KBTBD11: variants seen among roughly 807,000 people sequenced by gnomAD.
The protein encoded by KBTBD11 is kelch repeat and BTB domain containing 11, also known as kelch repeat and BTB domain-containing protein 11.
For missense variants in KBTBD11, 1,390 were observed against 1,001.8 expected (o/e 1.39, Z -5.23); for synonymous variants, 747 against 499.0 (o/e 1.50, Z -6.63).
chr8:1,982,924 C>T (rs1433844735), intron 1 of KBTBD11, among the ~76,000 whole-genome samples: 1 of 152,094 alleles, frequency 6.6e-6, no homozygotes, highest in African/African-American at 2.4e-5. Flanking sequence ...TGGGGTATTG[C>T]CATGTTGTCC....
chr8:1,974,726 GC>G lies in KBTBD11; in HGVS notation c.-909+792del, dbSNP rs1001605358. 4.5e-5 allele frequency: 44 copies of G among 984,996 alleles called. No individual in the cohort carries two copies. The South Asian group carries it at 1.8e-3, about 40-fold the overall frequency. 61.0% of individuals were successfully genotyped at this position (984,996 alleles called of 1,614,324 possible). On this transcript the variant is annotated intron_variant, in intron 1 of 1. Coordinates refer to ENST00000320248, the MANE Select transcript of KBTBD11 (RefSeq NM_014867.3). The stretch of plus-strand genomic sequence containing the variant: ...ATTCCGCAGGGGTCCCTCCTCTCAG[GC>G]GGGGCTCATTCTGGAGCATGAAAAG...
rs1817575590 is a variant in KBTBD11, at chr8:2,006,452, A to G, written c.*3388A>G. 1 of 166,904 alleles carries G rather than the reference A, an allele frequency of 6.0e-6. No homozygotes were observed. Among genetic ancestry groups the G allele is most frequent in the Non-Finnish European group, 1.5e-5 (1 of 68,130 alleles). 10.3% of individuals were successfully genotyped at this position (166,904 alleles called of 1,614,324 possible). A position where few individuals can be genotyped will look rare whatever the true frequency, so the allele number is the denominator to read the frequency against. On this transcript the variant is annotated 3_prime_UTR_variant, in exon 2 of 2. Coordinates refer to ENST00000320248, the MANE Select transcript of KBTBD11 (RefSeq NM_014867.3). ...GGGTTAAAAATCAATCAACTTTCTG[A>G]TATTTCCCCTTCTGCAATGTTATTG...
At chr8:1,979,506 T>G (rs1816465522) in intron 1 of KBTBD11, among the ~76,000 whole-genome samples, 1 of 152,126 alleles carries the variant, frequency 6.6e-6, no homozygotes, top group African/African-American at 2.4e-5. Flanking sequence ...GGCACGCACT[T>G]GTGATCCCAG....
At chr8:1,988,367 G>A (rs1014610404) in intron 1 of KBTBD11, among the ~76,000 whole-genome samples, 17 of 152,280 alleles carry the variant, frequency 1.1e-4, no homozygotes, top group African/African-American at 3.4e-4. Context: ...AAGCGTTCCT[G>A]TTTCTCCACA....
rs1174947243 is a variant in KBTBD11, at chr8:2,001,733, C to G, written c.541C>G (p.Leu181Val). ...CGTGCTGCGGGTGCAGGGAGTGAGC[C>G]TGACGGCGCTGCGGCTGCTCCTCGC... ...RDVLRVQGVS[L>V]TALRLLLADA... The change falls in exon 2 of 2, where the codon CTG becomes GTG. Residue 181 changes from leucine to valine, a missense_variant. Coordinates refer to ENST00000320248, the MANE Select transcript of KBTBD11 (RefSeq NM_014867.3). 2 of 1,365,228 alleles carry G rather than the reference C, an allele frequency of 1.5e-6. No homozygotes were observed. Among genetic ancestry groups the G allele is most frequent in the Admixed American group, 3.4e-5 (1 of 29,184 alleles). 84.6% of individuals were successfully genotyped at this position (1,365,228 alleles called of 1,614,324 possible).
At chr8:1,990,222 T>TGG in intron 1 of KBTBD11, among the ~76,000 whole-genome samples, 1 of 145,612 alleles carries the variant, frequency 6.9e-6, no homozygotes, top group South Asian at 2.2e-4. Flanking sequence ...AGGTGGGTGC[T>TGG]GGGCCTTGGT....
In KBTBD11 at chr8:2,000,985, G is replaced by A. The variant is rs928161156; in HGVS notation, c.-208G>A. On this transcript the variant is annotated 5_prime_UTR_variant, in exon 2 of 2. Coordinates refer to ENST00000320248, the MANE Select transcript of KBTBD11 (RefSeq NM_014867.3). ...CGGACACACCCCTCCTCGCTGGAGAGGAGAGGGCAAAGGCGAGGCGGGGGA... is the reference window on the plus strand; with the variant it reads ...CGGACACACCCCTCCTCGCTGGAGAAGAGAGGGCAAAGGCGAGGCGGGGGA... The A allele has an allele frequency of 9.3e-5, 52 of 560,828 alleles. No individual in the cohort carries two copies. The African/African-American group carries it at 9.5e-4, about 10-fold the overall frequency. The allele number at this position is 560,828 out of a possible 1,614,324, so 34.7% of individuals were successfully genotyped here.
chr8:1,984,993 G>T (rs547978840), intron 1 of KBTBD11, among the ~76,000 whole-genome samples: 2 of 152,314 alleles, frequency 1.3e-5, no homozygotes, highest in East Asian at 1.9e-4. Context: ...GGGTGGAATG[G>T]CCTGGCAGTC....
chr8:2,000,991 G>A lies in KBTBD11; in HGVS notation c.-202G>A. 1 of 623,974 alleles carries A rather than the reference G, an allele frequency of 1.6e-6. No individual in the cohort carries two copies. Among genetic ancestry groups the A allele is most frequent in the Non-Finnish European group, 2.3e-6 (1 of 432,520 alleles). The allele number at this position is 623,974 out of a possible 1,614,324, so 38.7% of individuals were successfully genotyped here. A position where few individuals can be genotyped will look rare whatever the true frequency, so the allele number is the denominator to read the frequency against. On this transcript the variant is annotated 5_prime_UTR_variant, in exon 2 of 2. Transcript: ENST00000320248. ...CACCCCTCCTCGCTGGAGAGGAGAG[G>A]GCAAAGGCGAGGCGGGGGAGCAGCG...
At chr8:1,987,127 C>G (rs1168708264) in intron 1 of KBTBD11, among the ~76,000 whole-genome samples, 1 of 152,108 alleles carries the variant, frequency 6.6e-6, no homozygotes, top group Non-Finnish European at 1.5e-5. Context: ...TCCCCGGCCT[C>G]CTCTTCAGAA....
chr8:1,983,260 C>T (rs1019647334), intron 1 of KBTBD11, among the ~76,000 whole-genome samples: 2 of 152,140 alleles, frequency 1.3e-5, no homozygotes, highest in Admixed American at 1.3e-4. Flanking sequence ...CCTGTGTGCA[C>T]CCCCATGCTC....
chr8:1,979,424 G>C (rs953979313), intron 1 of KBTBD11, among the ~76,000 whole-genome samples: 3 of 152,180 alleles, frequency 2.0e-5, no homozygotes, highest in African/African-American at 7.2e-5. Context: ...GAGGTCAGGA[G>C]TTTGAGACCA....
At chr8:1,984,544 C>G (rs1170425790) in intron 1 of KBTBD11, among the ~76,000 whole-genome samples, 2 of 152,058 alleles carry the variant, frequency 1.3e-5, no homozygotes, top group African/African-American at 4.8e-5. Context: ...GCCTCAGCCT[C>G]CCAATGTGTT....
rs1229968419 is a variant in KBTBD11, at chr8:1,973,805, C to A, written c.-1039C>A. 1 of 983,356 alleles carries A rather than the reference C, an allele frequency of 1.0e-6. No individual in the cohort carries two copies. The allele number at this position is 983,356 out of a possible 1,614,324, so 60.9% of individuals were successfully genotyped here. ...CGCTGCGGGTCGGAGGAGCAGCTCC[C>A]GCTCGCAGGTGCTCGGAGAGGCCGG... On this transcript the variant is annotated 5_prime_UTR_variant, in exon 1 of 2. Coordinates refer to ENST00000320248, the MANE Select transcript of KBTBD11 (RefSeq NM_014867.3).
At chr8:1,989,222 T>A (rs1033911205) in intron 1 of KBTBD11, among the ~76,000 whole-genome samples, 3 of 152,318 alleles carry the variant, frequency 2.0e-5, no homozygotes, top group Admixed American at 6.5e-5. Flanking sequence ...TATTTCAACG[T>A]GTTCTCAGTT....
intron 1 of KBTBD11, among the ~76,000 whole-genome samples, chr8:1,989,852 C>G (rs530822023): frequency 3.5e-4 from 53 of 151,328 alleles, no homozygotes; most frequent in African/African-American, 1.3e-3. Flanking sequence ...AAACTTGTGA[C>G]CAGCAGGGGT....
At position 1,973,857 on chromosome 8, in the gene KBTBD11, G is replaced by A. The variant is rs2129306044; in HGVS notation, c.-987G>A. ...CCGCGGCTCCCACAGGTGCCGGGAA[G>A]CGGCCGCGCGCATGCGCCGGAGCCC... is the stretch of plus-strand genomic sequence containing the variant. On this transcript the variant is annotated 5_prime_UTR_variant, in exon 1 of 2. Coordinates refer to ENST00000320248, the MANE Select transcript of KBTBD11 (RefSeq NM_014867.3). The A allele has an allele frequency of 1.0e-6, 1 of 983,016 alleles. No homozygotes were observed. The highest frequency in any genetic ancestry group is 1.8e-5 in the African/African-American group (1 of 56,952). 60.9% of individuals were successfully genotyped at this position (983,016 alleles called of 1,614,324 possible).
At chr8:1,989,948 T>TTG (rs1816850805) in intron 1 of KBTBD11, among the ~76,000 whole-genome samples, 1 of 148,230 alleles carries the variant, frequency 6.7e-6, no homozygotes, top group African/African-American at 2.5e-5. Context: ...TTTTTTTTTT[T>TTG]TGAGGCCTCT....
intron 1 of KBTBD11, among the ~76,000 whole-genome samples, chr8:1,993,076 G>A (rs1816977557): frequency 6.6e-6 from 1 of 152,006 alleles, no homozygotes; most frequent in African/African-American, 2.4e-5. Flanking sequence ...CGTAGCTAGG[G>A]CTACAAATGC....
Sources: allele counts gnomAD v4.1 joint callset (sites outside exome capture counted in the v4.1 genomes callset), GRCh38; gene constraint gnomAD v4.1.1; transcripts MANE v1.5; gene names NCBI Gene and HGNC (gene_info 2026-07-23, HGNC 2026-07-21).